Variants in GRIA1 observed in about 807,000 individuals in gnomAD.
The protein encoded by GRIA1 is glutamate ionotropic receptor AMPA type subunit 1, also known as glutamate receptor 1.
Under a neutral mutation model 99.2 loss-of-function variants are expected in GRIA1, and 31 were observed. That is an observed-to-expected ratio of 0.31 (90% confidence interval 0.23 to 0.42). The LOEUF (loss-of-function observed/expected upper bound fraction) is 0.42. Among genes scored for constraint, GRIA1 ranks in the 10% least tolerant of loss-of-function variants. GRIA1 has a pLI of 1.00. For missense variants in GRIA1, 782 were observed against 1,157.5 expected (o/e 0.68, Z 4.71); for synonymous variants, 438 against 432.4 (o/e 1.01, Z -0.16).
intron 2 of GRIA1, among the ~76,000 whole-genome samples, chr5:153,515,128 A>AT: frequency 1.3e-5 from 2 of 152,296 alleles, no homozygotes; most frequent in Middle Eastern, 6.8e-3. Flanking sequence ...TTCTGGGTAT[A>AT]TATCTAAAGA....
intron 2 of GRIA1, among the ~76,000 whole-genome samples, chr5:153,534,874 C>T (rs985143866): frequency 1.3e-5 from 2 of 151,972 alleles, no homozygotes; most frequent in African/African-American, 2.4e-5. Flanking sequence ...GTATTCTACA[C>T]GGTAACCTTC....
At chr5:153,643,298 G>A (rs543609662) in intron 2 of GRIA1, among the ~76,000 whole-genome samples, 1 of 152,300 alleles carries the variant, frequency 6.6e-6, no homozygotes, top group East Asian at 1.9e-4. Flanking sequence ...GAAAGCTGAG[G>A]CCTAGGAGAG....
chr5:153,585,605 G>T (rs1029926759), intron 2 of GRIA1, among the ~76,000 whole-genome samples: 2 of 151,902 alleles, frequency 1.3e-5, no homozygotes, highest in African/African-American at 4.8e-5. Flanking sequence ...CACTGTGCCC[G>T]GCCCCTGTCC....
At chr5:153,551,347 GTTTT>G (rs748423625) in intron 2 of GRIA1, among the ~76,000 whole-genome samples, 1 of 113,600 alleles carries the variant, frequency 8.8e-6, no homozygotes, top group South Asian at 2.5e-4. Context: ...TCTTTTTACA[GTTTT>G]TTTTGTTTGT....
At chr5:153,803,809 T>C (rs567251258) in intron 15 of GRIA1, among the ~76,000 whole-genome samples, 88 of 152,286 alleles carry the variant, frequency 5.8e-4, no homozygotes, top group Admixed American at 1.4e-3. Context: ...GATCCATACA[T>C]AGCCTCCTGC....
intron 2 of GRIA1, among the ~76,000 whole-genome samples, chr5:153,619,326 A>C (rs1187287144): frequency 2.0e-5 from 3 of 152,148 alleles, no homozygotes; most frequent in Non-Finnish European, 4.4e-5. Context: ...TCATTTGAAC[A>C]TTTTGGATAT....
intron 2 of GRIA1, among the ~76,000 whole-genome samples, chr5:153,567,012 T>C (rs1761701434): frequency 6.6e-6 from 1 of 152,204 alleles, no homozygotes; most frequent in Admixed American, 6.5e-5. Flanking sequence ...CCACCGTGCC[T>C]GGCCACAAAT....
chr5:153,539,902 G>A (rs568668098), intron 2 of GRIA1, among the ~76,000 whole-genome samples: 1 of 152,342 alleles, frequency 6.6e-6, no homozygotes, highest in East Asian at 1.9e-4. Flanking sequence ...TACAGTGTAA[G>A]CTTGCGCTCA....
intron 11 of GRIA1, among the ~76,000 whole-genome samples, chr5:153,723,036 G>C (rs917736405): frequency 2.0e-4 from 31 of 152,282 alleles, no homozygotes; most frequent in Non-Finnish European, 7.4e-5. Context: ...AAACTCTAGG[G>C]AGTGCCAGAG....
chr5:153,781,778 T>C (rs1764648461), intron 13 of GRIA1, among the ~76,000 whole-genome samples: 1 of 152,308 alleles, frequency 6.6e-6, no homozygotes, highest in South Asian at 2.1e-4. Flanking sequence ...TGCAAGTACA[T>C]GACCATGGTC....
chr5:153,773,516 C>T (rs1764019959), intron 13 of GRIA1, among the ~76,000 whole-genome samples: 1 of 152,190 alleles, frequency 6.6e-6, no homozygotes. Context: ...TTTAACACAC[C>T]CAGCACCATT....
intron 2 of GRIA1, among the ~76,000 whole-genome samples, chr5:153,528,286 T>G (rs1235981184): frequency 6.6e-6 from 1 of 152,192 alleles, no homozygotes; most frequent in Non-Finnish European, 1.5e-5. Flanking sequence ...TGTTTTTGGG[T>G]TTTTGATCTT....
chr5:153,600,437 G>GA (rs1764841386), intron 2 of GRIA1, among the ~76,000 whole-genome samples: 1 of 36,964 alleles, frequency 2.7e-5, no homozygotes, highest in East Asian at 7.9e-4. Flanking sequence ...TGTAAGGATA[G>GA]GTTTCAATCA....
intron 5 of GRIA1, among the ~76,000 whole-genome samples, chr5:153,667,965 G>A (rs550783993): frequency 6.6e-5 from 10 of 152,254 alleles, no homozygotes; most frequent in African/African-American, 9.6e-5. Flanking sequence ...TTAATTGAGC[G>A]CATTTACTCC....
intron 10 of GRIA1, among the ~76,000 whole-genome samples, chr5:153,699,856 G>T (rs1758392216): frequency 6.6e-6 from 1 of 152,102 alleles, no homozygotes; most frequent in African/African-American, 2.4e-5. Context: ...GTCCCACATT[G>T]TTTTAAGCAT....
intron 11 of GRIA1, among the ~76,000 whole-genome samples, chr5:153,757,645 A>G (rs1048289327): frequency 6.6e-6 from 1 of 152,220 alleles, no homozygotes; most frequent in Non-Finnish European, 1.5e-5. Flanking sequence ...TTGGTGATAT[A>G]TTAGGAGTAC....
chr5:153,783,753 A>G (rs536716056), intron 13 of GRIA1, among the ~76,000 whole-genome samples: 60 of 152,328 alleles, frequency 3.9e-4, no homozygotes, highest in African/African-American at 1.3e-3. Flanking sequence ...TGTGTTAGCT[A>G]TTGTGCAGTG....
chr5:153,511,223 T>C (rs902896055), intron 2 of GRIA1, among the ~76,000 whole-genome samples: 2 of 152,144 alleles, frequency 1.3e-5, no homozygotes, highest in Non-Finnish European at 2.9e-5. Context: ...ACACTGAGCA[T>C]AGTTCCCAAA....
chr5:153,707,779 G>A lies in GRIA1; in HGVS notation c.1823+1712G>A, dbSNP rs559829131. On this transcript the variant is annotated intron_variant, in intron 11 of 15. Transcript: ENST00000285900. Reference sequence around the variant, plus strand: ...GCTGTATAACTTAGAAAGTCTCATCGTTCATTATAATCTTGTTTTTCTTTA... The same window carrying A: ...GCTGTATAACTTAGAAAGTCTCATCATTCATTATAATCTTGTTTTTCTTTA... 5.3e-4 allele frequency among the ~76,000 whole-genome samples: 79 copies of A among 149,562 alleles called. No homozygotes were observed. The South Asian group carries it at 0.01, about 20-fold the overall frequency.
Sources: allele counts gnomAD v4.1 joint callset (sites outside exome capture counted in the v4.1 genomes callset), GRCh38; gene constraint gnomAD v4.1.1; transcripts MANE v1.5; gene names NCBI Gene and HGNC (gene_info 2026-07-23, HGNC 2026-07-21).